The following SIK2 variants were observed in gnomAD, a reference collection of about 807,000 sequenced individuals.
SIK2 encodes serine/threonine-protein kinase SIK2.
Under a neutral mutation model 103.2 loss-of-function variants are expected in SIK2, and 29 were observed. That is an observed-to-expected ratio of 0.28 (90% CI 0.21 to 0.38). The LOEUF (loss-of-function observed/expected upper bound fraction) is 0.38, where lower values mean the gene tolerates loss of function less well. Ranked by LOEUF, SIK2 falls within the 10% of genes least tolerant of loss-of-function variation. The probability of loss-of-function intolerance (pLI) is 1.00; values close to 1 mark genes in which losing one functional copy is unlikely to be tolerated. For missense variants in SIK2, 879 were observed against 1,171.0 expected, an observed-to-expected ratio of 0.75 and a Z score of 3.64; for synonymous variants, 412 against 446.1, an observed-to-expected ratio of 0.92 and a Z score of 0.96.
chr11:111,610,408 T>C (rs1941706439), intron 1 of SIK2, among the ~76,000 whole-genome samples: 1 of 151,778 alleles, frequency 6.6e-6, no homozygotes, highest in Non-Finnish European at 1.5e-5. Flanking sequence ...GAGAATCACT[T>C]TGAACCCTGG....
At chr11:111,645,967 A>G (rs961746640) in intron 3 of SIK2, among the ~76,000 whole-genome samples, 1 of 152,094 alleles carries the variant, frequency 6.6e-6, no homozygotes, top group African/African-American at 2.4e-5. Context: ...TTATGTAGGT[A>G]TTTATAATAA....
chr11:111,704,922 G>T (rs1381009404), intron 7 of SIK2, 65 bp from the exon 8 acceptor site: 26 of 1,474,332 alleles, frequency 1.8e-5, no homozygotes, highest in Middle Eastern at 2.4e-4. Context: ...TTTTTTTTAG[G>T]CATGTGTAGA....
intron 8 of SIK2, among the ~76,000 whole-genome samples, chr11:111,708,124 G>A (rs1565378029): frequency 6.6e-6 from 1 of 152,204 alleles, no homozygotes; most frequent in Non-Finnish European, 1.5e-5. Flanking sequence ...GCTCATGCCT[G>A]TAATCCCGGC....
rs1215309888 is a variant in SIK2, at chr11:111,602,920, G to C, written c.135+222G>C. Among the ~76,000 whole-genome samples the C allele has an allele frequency of 6.6e-6, 1 of 152,140 alleles. No individual in the cohort carries two copies. The highest frequency in any genetic ancestry group is 1.5e-5 in the Non-Finnish European group (1 of 67,994). On this transcript the variant is annotated intron_variant, in intron 1 of 14. Transcript: ENST00000304987. The surrounding 1 kb of genome is among the most constrained non-coding windows in gnomAD (Gnocchi z 4.5). ...CCCGGACCCGAGTGTCGTCCGACTG[G>C]AAACGCAACCAGCCGGGGCTTTGCT...
At chr11:111,659,884 G>A (rs1279871870) in intron 3 of SIK2, among the ~76,000 whole-genome samples, 1 of 152,218 alleles carries the variant, frequency 6.6e-6, no homozygotes, top group Non-Finnish European at 1.5e-5. Flanking sequence ...AGACGCAACC[G>A]TGTCAAGGAG....
chr11:111,652,829 A>G (rs117369151), intron 3 of SIK2, among the ~76,000 whole-genome samples: 1,977 of 152,320 alleles, frequency 0.013, 25 homozygotes, highest in Non-Finnish European at 0.022. Flanking sequence ...ATTTGCTCAT[A>G]GTGACACAGT....
chr11:111,728,827 G>A lies in SIK2; in HGVS notation c.*4698G>A, dbSNP rs1015006068. 2 of 151,938 alleles carry A rather than the reference G, an allele frequency of 1.3e-5. No homozygotes were observed. The highest frequency in any genetic ancestry group is 2.9e-5 in the Non-Finnish European group (2 of 68,018). The allele number at this position is 151,938 out of a possible 1,614,324, so 9.4% of individuals were successfully genotyped here. A position where few individuals can be genotyped will look rare whatever the true frequency, so the allele number is the denominator to read the frequency against. ...TAGTTCCAGCTACTCGGGAGGCTGA[G>A]GCAGGAGAATGGCGTGAACCCGGGA... On this transcript the variant is annotated 3_prime_UTR_variant, in exon 15 of 15. Coordinates refer to ENST00000304987, the MANE Select transcript of SIK2 (RefSeq NM_015191.3).
intron 3 of SIK2, among the ~76,000 whole-genome samples, chr11:111,673,323 A>G (rs988218827): frequency 1.3e-5 from 2 of 152,178 alleles, no homozygotes; most frequent in Admixed American, 6.5e-5. Flanking sequence ...TTTGATATCC[A>G]TTCTGTCATT....
rs907576423 is a variant in SIK2, at chr11:111,701,508, G to T, written c.660G>T (p.Pro220=). 6.2e-6 allele frequency: 10 copies of T among 1,613,802 alleles called. No homozygotes were observed. Among genetic ancestry groups the T allele is most frequent in the Non-Finnish European group, 8.5e-6 (10 of 1,179,862 alleles). ...GTGGAGCTCTGCCCTTTGATGGACC[G>T]ACTCTTCCAATTTTGAGGCAGAGGG... is the stretch of plus-strand genomic sequence containing the variant. ...LVCGALPFDG[P]TLPILRQRVL... is the part of the protein sequence containing the mutation. The change falls in exon 6 of 15, where the codon CCG becomes CCT. Residue 220 remains proline (P), a synonymous_variant. Transcript: ENST00000304987. This position sits in a 1 kb window ranked among gnomAD's most constrained non-coding sequence, Gnocchi z 4.2.
Position 111,705,099 on chromosome 11 carries a change from A to G in SIK2, c.1061A>G (p.Gln354Arg). The G allele has an allele frequency of 1.2e-6, 2 of 1,605,270 alleles. No homozygotes were observed. The highest frequency in any genetic ancestry group is 1.7e-6 in the Non-Finnish European group (2 of 1,177,366). The change falls in exon 8 of 15, where the codon CAG (glutamine) becomes CGG (arginine). Residue 354 changes from glutamine to arginine, a missense_variant. Physicochemically the swap from Gln to Arg is conservative, Grantham distance 43. This residue lies in a region of SIK2 where 99 missense variants were observed against 153.9 expected (regional missense o/e 0.64). Coordinates refer to ENST00000304987, the MANE Select transcript of SIK2 (RefSeq NM_015191.3). This position sits in a 1 kb window ranked among gnomAD's most constrained non-coding sequence, Gnocchi z 4.3. The stretch of plus-strand genomic sequence containing the variant: ...GTGGAGCAGAGACTTGATGGCCGCC[A>G]GCGTCGGCCTAGCACCATTGCTGAG... ...FPVEQRLDGR[Q>R]RRPSTIAEQT... is the part of the protein sequence containing the mutation.
At chr11:111,712,102 T>C in intron 8 of SIK2, 109 bp from the exon 9 acceptor site, 2 of 1,146,918 alleles carry the variant, frequency 1.7e-6, no homozygotes, top group South Asian at 1.5e-5. Context: ...AATAAATAAA[T>C]ATTCATTCTT....
At chr11:111,634,862 A>T (rs1293153010) in intron 3 of SIK2, among the ~76,000 whole-genome samples, 1 of 152,230 alleles carries the variant, frequency 6.6e-6, no homozygotes, top group African/African-American at 2.4e-5. Context: ...ACTTTGCTTC[A>T]CATGTGTGAG....
intron 3 of SIK2, among the ~76,000 whole-genome samples, chr11:111,664,653 C>A (rs1248802021): frequency 6.6e-6 from 1 of 152,014 alleles, no homozygotes; most frequent in Non-Finnish European, 1.5e-5. Flanking sequence ...AGGGTTAATT[C>A]TGACAGTTTT....
At chr11:111,707,971 G>A (rs909488650) in intron 8 of SIK2, among the ~76,000 whole-genome samples, 5 of 152,124 alleles carry the variant, frequency 3.3e-5, no homozygotes, top group African/African-American at 7.2e-5. Flanking sequence ...AACCTGTACC[G>A]GGAGTTTAGT....
chr11:111,630,252 G>A (rs1228522222), intron 3 of SIK2, among the ~76,000 whole-genome samples: 1 of 152,108 alleles, frequency 6.6e-6, no homozygotes, highest in African/African-American at 2.4e-5. Flanking sequence ...TTCTATTTAC[G>A]TGAAATTCTA....
At chr11:111,711,289 T>C (rs1460782437) in intron 8 of SIK2, among the ~76,000 whole-genome samples, 2 of 151,984 alleles carry the variant, frequency 1.3e-5, no homozygotes, top group African/African-American at 4.8e-5. Flanking sequence ...CAGCTAATTT[T>C]TTTTTGTATT....
chr11:111,663,107 G>A (rs780669340), intron 3 of SIK2, among the ~76,000 whole-genome samples: 22 of 151,680 alleles, frequency 1.5e-4, no homozygotes, highest in Non-Finnish European at 2.2e-4. Flanking sequence ...GGTGGTATGC[G>A]TCTATAGTCT....
chr11:111,631,568 G>A (rs879620371), intron 3 of SIK2, among the ~76,000 whole-genome samples: 6 of 152,142 alleles, frequency 3.9e-5, no homozygotes, highest in Non-Finnish European at 7.4e-5. Context: ...AGCAACAAAA[G>A]GGCCTTATGA....
chr11:111,667,212 G>A (rs2135876753), intron 3 of SIK2, among the ~76,000 whole-genome samples: 1 of 152,108 alleles, frequency 6.6e-6, no homozygotes, highest in South Asian at 2.1e-4. Context: ...GCCTCCCAAA[G>A]TGCTGGAAGA....
Sources: gnomAD v4.1 joint callset for allele counts (sites outside exome capture counted in the v4.1 genomes callset) on GRCh38, gnomAD v4.1.1 for gene constraint, gnomAD v4.1.1 regional missense constraint, Gnocchi (gnomAD v3.1) non-coding constraint, MANE v1.5 for transcripts, NCBI Gene and HGNC (gene_info 2026-07-23, HGNC 2026-07-21) for gene names.